The following QRICH2 variants were observed in gnomAD, a reference collection of about 807,000 sequenced individuals.
QRICH2 encodes the protein glutamine rich 2.
A neutral mutation model predicts 168.3 loss-of-function variants in QRICH2; 119 were observed. That is an observed-to-expected ratio of 0.71 (90% CI 0.61 to 0.82). The LOEUF is 0.82. Among genes scored for constraint, QRICH2 ranks in the 40% least tolerant of loss-of-function variants. The pLI, the probability that QRICH2 is intolerant of heterozygous loss-of-function variation, is 0.00. For synonymous variants in QRICH2, 894 were observed against 951.2 expected (o/e 0.94, Z 1.11); for missense variants, 2,241 against 2,491.6 (o/e 0.90, Z 2.14).
At chr17:76,278,788 G>A (rs1463567334) in intron 14 of QRICH2, among the ~76,000 whole-genome samples, 2 of 152,242 alleles carry the variant, frequency 1.3e-5, no homozygotes, top group African/African-American at 2.4e-5. Context: ...AAGTCCCACC[G>A]TAACTCCCAA....
At chr17:76,278,980 C>T (rs1340054388) in intron 14 of QRICH2, 61 bp downstream of exon 14, 68 of 1,402,596 alleles carry the variant, frequency 4.8e-5, no homozygotes, top group Non-Finnish European at 6.6e-5. Flanking sequence ...TGTCCCCTGC[C>T]TTCCCCATCC....
chr17:76,278,229 G>A, intron 14 of QRICH2, 40 bp from the exon 15 acceptor site: 1 of 1,587,718 alleles, frequency 6.3e-7, no homozygotes. Flanking sequence ...GTTGGCCCAT[G>A]GCGGGGGCCT....
intron 3 of QRICH2, among the ~76,000 whole-genome samples, chr17:76,298,875 C>T (rs1419079882): frequency 6.6e-6 from 1 of 152,152 alleles, no homozygotes; most frequent in Non-Finnish European, 1.5e-5. Context: ...CTCGGCTTCC[C>T]AAAGTGCTGG....
chr17:76,280,474 C>T lies in QRICH2; in HGVS notation c.4462-23G>A, dbSNP rs780792642. On this transcript the variant is annotated intron_variant, in intron 10 of 18. Transcript: ENST00000680821. This position sits in a 1 kb window ranked among gnomAD's most constrained non-coding sequence, Gnocchi z 7.4. ...TTTCTGCCCAGAGACAGACAGAGGT[C>T]CCCGCATCTGGGAGATGGCCATGGA... The T allele has an allele frequency of 3.1e-6, 5 of 1,611,040 alleles. No homozygotes were observed. The highest frequency in any genetic ancestry group is 3.4e-6 in the Non-Finnish European group (4 of 1,178,422).
chr17:76,290,127 C>T, intron 4 of QRICH2, 50 bp from the exon 5 acceptor site: 1 of 1,347,106 alleles, frequency 7.4e-7, no homozygotes, highest in Non-Finnish European at 1.1e-6. Flanking sequence ...CTCTAGTGGG[C>T]TCCCAATCTC....
chr17:76,276,891 C>T, intron 16 of QRICH2, 124 bp from the exon 17 acceptor site: 1 of 801,880 alleles, frequency 1.2e-6, no homozygotes. Context: ...CTGGGAGGCA[C>T]TAGGGTGGAG....
Position 76,278,119 on chromosome 17 carries a change from A to G in QRICH2, c.4987T>C (p.Ser1663Pro). Residue 1663 changes from serine (S) to proline (P), a missense_variant, in exon 15 of 19, where the codon TCC becomes CCC. By Grantham distance (74) the Ser-to-Pro change is moderately conservative. Coordinates refer to ENST00000680821, the MANE Select transcript of QRICH2 (RefSeq NM_001388453.1). The part of the protein sequence containing the change: ...QMEQSVGRLR[S>P]MHSKMLMNIE... ...TTCATCAGCATCTTGGAGTGCATGG[A>G]GCGCAGGCGCCCCACGCTCTGCTCC... 6.2e-7 allele frequency: 1 copy of G among 1,613,446 alleles called. No homozygotes were observed. The highest frequency in any genetic ancestry group is 8.5e-7 in the Non-Finnish European group (1 of 1,180,030).
rs1431924726 is a variant in QRICH2 at position 76,292,134 on chromosome 17, C to A, written c.2593G>T (p.Gly865Ter). ...TGCACCAAACCACGCTGATCCACTC[C>A]AGGTTGGACCAAACCACGCTGATCT... ...GADQRGLVQP[G>*]VDQRGLVQPG... is the part of the protein sequence containing the mutation. The change falls in exon 4 of 19, where the codon GGA becomes TGA. Residue 865 changes from glycine to a stop codon, truncating the protein, a stop_gained. Coordinates refer to ENST00000680821, the MANE Select transcript of QRICH2 (RefSeq NM_001388453.1). LOFTEE classifies it high-confidence loss of function. 6.2e-7 allele frequency: 1 copy of A among 1,610,424 alleles called. No homozygotes were observed. The highest frequency in any genetic ancestry group is 8.5e-7 in the Non-Finnish European group (1 of 1,177,916).
chr17:76,284,094 G>A (rs1381163209), intron 7 of QRICH2, among the ~76,000 whole-genome samples: 1 of 135,296 alleles, frequency 7.4e-6, no homozygotes, highest in East Asian at 2.0e-4. Flanking sequence ...CTTGAACCCG[G>A]GAGGTGGAGA....
intron 3 of QRICH2, among the ~76,000 whole-genome samples, chr17:76,299,133 A>G (rs1198051508): frequency 6.6e-6 from 1 of 152,068 alleles, no homozygotes; most frequent in African/African-American, 2.4e-5. Context: ...CCGATCGCCA[A>G]CCTACCTTCA....
rs537838506 is a variant in QRICH2, at chr17:76,276,215, C to T, written c.5354-268G>A. Among the ~76,000 whole-genome samples, 11 of 150,956 alleles carry T rather than the reference C, an allele frequency of 7.3e-5. No individual in the cohort carries two copies. The South Asian group carries it at 2.3e-3, about 32-fold the overall frequency. ...TGGGGTGAGTTCTGACCTGGGGTTT[C>T]CAGGGCAGGAAGGGAGGCATCTAGA... is the stretch of plus-strand genomic sequence containing the variant. On this transcript the variant is annotated intron_variant, in intron 17 of 18. Transcript: ENST00000680821.
chr17:76,293,855 G>A lies in QRICH2; in HGVS notation c.872C>T (p.Thr291Ile). The A allele has an allele frequency of 6.2e-7, 1 of 1,614,040 alleles. No homozygotes were observed. Among genetic ancestry groups the A allele is most frequent in the East Asian group, 2.2e-5 (1 of 44,862 alleles). ...GGAAACCCCATCAGAGGGGTGTGCT[G>A]TGCCACCAGATCCTGATGCAGTCCG... The part of the protein sequence containing the change: ...PDRTASGSGG[T>I]AHPSDGVSSR... The change falls in exon 4 of 19, where the codon ACA becomes ATA. Residue 291 changes from threonine to isoleucine, a missense_variant. By Grantham distance (89) the Thr-to-Ile change is moderately conservative. Coordinates refer to ENST00000680821, the MANE Select transcript of QRICH2 (RefSeq NM_001388453.1).
Position 76,280,696 on chromosome 17 carries a change from CT to C in QRICH2, c.4418del (p.Lys1473ArgfsTer15). On this transcript the variant is annotated frameshift_variant, in exon 10 of 19. Coordinates refer to ENST00000680821, the MANE Select transcript of QRICH2 (RefSeq NM_001388453.1). LOFTEE classifies it high-confidence loss of function. The surrounding 1 kb of genome is among the most constrained non-coding windows in gnomAD (Gnocchi z 7.4). ...CCAGGTGCTCCCTGTTGGCCTTTTC[CT>C]TTTCGAGCTTCTCCAGACCCTGGTA... ...MLYQGLEKLEKEKANREHLEM... is the reference protein window; with the variant it reads ...MLYQGLEKLEXEKANREHLEM... 1 of 1,614,162 alleles carries C rather than the reference CT, an allele frequency of 6.2e-7. No homozygotes were observed. The highest frequency in any genetic ancestry group is 8.5e-7 in the Non-Finnish European group (1 of 1,180,040).
chr17:76,287,844 C>T lies in QRICH2; in HGVS notation c.3852G>A (p.Lys1284=), dbSNP rs918583039. The part of the protein sequence containing the change: ...LEGEGNQEAG[K]ELKAGELRLQ... ...ATCTCAGCTCTCCAGCTTTCAGTTC[C>T]TTCCCTGCTTCTTGATTCCCTTCCC... is the stretch of plus-strand genomic sequence containing the variant. Residue 1284 remains lysine (K), a synonymous_variant, in exon 6 of 19, where the codon AAG becomes AAA. Coordinates refer to ENST00000680821, the MANE Select transcript of QRICH2 (RefSeq NM_001388453.1). 1.9e-6 allele frequency: 3 copies of T among 1,614,144 alleles called. No individual in the cohort carries two copies. Among genetic ancestry groups the T allele is most frequent in the Non-Finnish European group, 2.5e-6 (3 of 1,180,022 alleles).
Position 76,307,831 on chromosome 17 carries a change from C to G in QRICH2, c.168G>C (p.Glu56Asp), listed in dbSNP as rs909162396. The G allele has an allele frequency of 1.6e-5, 21 of 1,288,812 alleles. No individual in the cohort carries two copies. Among genetic ancestry groups the G allele is most frequent in the Non-Finnish European group, 2.0e-5 (20 of 1,020,356 alleles). The allele number at this position is 1,288,812 out of a possible 1,614,324, so 79.8% of individuals were successfully genotyped here. ...GGACGGACTGCAGCGAGCGGCTGGG[C>G]TCGGGCGACGAGGGCTGGAAGTCGA... is the stretch of plus-strand genomic sequence containing the variant. The part of the protein sequence containing the change: ...TRIDFQPSSP[E>D]PSRSLQSVRS... Residue 56 changes from glutamate (E) to aspartate (D), a missense_variant, in exon 1 of 19, where the codon GAG (glutamate) becomes GAC (aspartate). Glu to Asp is a conservative substitution (Grantham distance 45). Transcript: ENST00000680821. This position sits in a 1 kb window ranked among gnomAD's most constrained non-coding sequence, Gnocchi z 5.3.
Position 76,307,764 on chromosome 17 carries a change from C to T in QRICH2, c.235G>A (p.Val79Met), listed in dbSNP as rs1450816989. ...SIPHLPAPKE[V>M]PKGAPREKRR... Reference sequence around the variant, plus strand: ...TTCTCCCGGGGCGCCCCCTTGGGCACCTCCTTGGGCGCGGGCAGGTGCGGG... The same window carrying T: ...TTCTCCCGGGGCGCCCCCTTGGGCATCTCCTTGGGCGCGGGCAGGTGCGGG... The change falls in exon 1 of 19, where the codon GTG becomes ATG. Residue 79 changes from valine (V) to methionine (M), a missense_variant. Val to Met is a conservative substitution (Grantham distance 21). Coordinates refer to ENST00000680821, the MANE Select transcript of QRICH2 (RefSeq NM_001388453.1). This position sits in a 1 kb window ranked among gnomAD's most constrained non-coding sequence, Gnocchi z 5.3. 6 of 1,385,342 alleles carry T rather than the reference C, an allele frequency of 4.3e-6. No homozygotes were observed. The African/African-American group carries it at 6.0e-5, about 14-fold the overall frequency. The allele number at this position is 1,385,342 out of a possible 1,614,324, so 85.8% of individuals were successfully genotyped here.
chr17:76,291,626 G>A lies in QRICH2; in HGVS notation c.3101C>T (p.Pro1034Leu). ...TACCAAACTCCTTCGATCTATACCAGGTGATGCCAAACCTTGACTGGCTAG... is the reference window on the plus strand; with the variant it reads ...TACCAAACTCCTTCGATCTATACCAAGTGATGCCAAACCTTGACTGGCTAG... ...PLLASQGLAS[P>L]GIDRRSLVPP... Residue 1034 changes from proline to leucine, a missense_variant, in exon 4 of 19, where the codon CCT becomes CTT. By Grantham distance (98) the Pro-to-Leu change is moderately conservative. Coordinates refer to ENST00000680821, the MANE Select transcript of QRICH2 (RefSeq NM_001388453.1). 6.2e-6 allele frequency: 10 copies of A among 1,614,168 alleles called. No homozygotes were observed. Among genetic ancestry groups the A allele is most frequent in the Non-Finnish European group, 7.6e-6 (9 of 1,180,034 alleles).
rs1457524922 is a variant in QRICH2 at position 76,277,585 on chromosome 17, C to G, written c.5118-275G>C. Among the ~76,000 whole-genome samples, 25 of 151,972 alleles carry G rather than the reference C, an allele frequency of 1.6e-4. 1 individual carries two copies. On this transcript the variant is annotated intron_variant, in intron 15 of 18. Transcript: ENST00000680821. Reference sequence around the variant, plus strand: ...ACACAGTCACACACACACATACATGCACACACACATACTTATGCACATACA... The same window carrying G: ...ACACAGTCACACACACACATACATGGACACACACATACTTATGCACATACA...
intron 7 of QRICH2, among the ~76,000 whole-genome samples, chr17:76,286,269 G>A (rs1275158641): frequency 6.6e-6 from 1 of 152,150 alleles, no homozygotes; most frequent in African/African-American, 2.4e-5. Flanking sequence ...CTGATGACTA[G>A]ATAAAGAAAT....
Sources: gnomAD v4.1 joint callset for allele counts (sites outside exome capture counted in the v4.1 genomes callset) on GRCh38, gnomAD v4.1.1 for gene constraint, Gnocchi (gnomAD v3.1) non-coding constraint, MANE v1.5 for transcripts, NCBI Gene and HGNC (gene_info 2026-07-23, HGNC 2026-07-21) for gene names.